The following KCNMB2 variants were observed in gnomAD, a reference collection of about 807,000 sequenced individuals.
The protein encoded by KCNMB2 is calcium-activated potassium channel subunit beta-2.
Under a neutral mutation model 24.5 loss-of-function variants are expected in KCNMB2, and 9 were observed. The observed-to-expected ratio is 0.37, with a 90% CI of 0.22 to 0.64. The LOEUF (loss-of-function observed/expected upper bound fraction) is 0.64. Ranked by LOEUF, KCNMB2 falls within the 30% of genes least tolerant of loss-of-function variation. KCNMB2 has a pLI of 0.63. For synonymous variants in KCNMB2, 109 were observed against 104.4 expected, an observed-to-expected ratio of 1.04 and a Z score of -0.27; for missense variants, 226 against 284.3, an observed-to-expected ratio of 0.79 and a Z score of 1.47.
chr3:178,640,466 G>A (rs1719683862), intron 1 of KCNMB2, among the ~76,000 whole-genome samples: 1 of 152,170 alleles, frequency 6.6e-6, no homozygotes, highest in South Asian at 2.1e-4. Context: ...GGGGAAATCC[G>A]CCCCCATGAT....
chr3:178,777,391 G>A (rs1038022716), intron 1 of KCNMB2, among the ~76,000 whole-genome samples: 12 of 152,096 alleles, frequency 7.9e-5, no homozygotes, highest in African/African-American at 1.2e-4. Context: ...CTGAGATCAC[G>A]CCACTGCACT....
chr3:178,575,068 T>C (rs1298942174), intron 1 of KCNMB2, among the ~76,000 whole-genome samples: 1 of 152,130 alleles, frequency 6.6e-6, no homozygotes, highest in Admixed American at 6.6e-5. Flanking sequence ...ACTCTGTCTA[T>C]AAATAAATAA....
intron 1 of KCNMB2, among the ~76,000 whole-genome samples, chr3:178,673,904 T>C (rs1720985674): frequency 6.6e-6 from 1 of 152,218 alleles, no homozygotes; most frequent in Admixed American, 6.5e-5. Flanking sequence ...TAAATTCATT[T>C]CAATTAGACT....
At chr3:178,637,437 T>A (rs1719568586) in intron 1 of KCNMB2, among the ~76,000 whole-genome samples, 1 of 152,220 alleles carries the variant, frequency 6.6e-6, no homozygotes, top group Non-Finnish European at 1.5e-5. Context: ...TGGGAAGAAC[T>A]GTCTTATGAC....
At chr3:178,798,599 T>C (rs1472986800) in intron 1 of KCNMB2, among the ~76,000 whole-genome samples, 2 of 152,236 alleles carry the variant, frequency 1.3e-5, no homozygotes, top group Non-Finnish European at 2.9e-5. Context: ...CTGGATGCCA[T>C]TATCCTGAGC....
rs569468630 is a variant in KCNMB2 at position 178,743,641 on chromosome 3, C to T, written c.-67-63702C>T. On this transcript the variant is annotated intron_variant, in intron 1 of 4. Coordinates refer to ENST00000452583, the MANE Select transcript of KCNMB2 (RefSeq NM_181361.3). ...CTGCGTCGTGTTGATCACAAAGTTC[C>T]TCTGACAGTAGAGTGTTCTGATAGC... 1.6e-4 allele frequency among the ~76,000 whole-genome samples: 24 copies of T among 152,060 alleles called. No individual in the cohort carries two copies. In the South Asian group the frequency reaches 4.2e-3, roughly 26 times the overall value.
Position 178,617,482 on chromosome 3 carries a change from C to G in KCNMB2, c.-68+80771C>G, listed in dbSNP as rs1429368631. Among the ~76,000 whole-genome samples, 3 of 151,420 alleles carry G rather than the reference C, an allele frequency of 2.0e-5. No individual in the cohort carries two copies. The East Asian group carries it at 5.8e-4, about 29-fold the overall frequency. ...CTGAGGCAGGAGAATCGCTTGAACC[C>G]GGGAGGTGGAGGTTGCAGATTGGGC... On this transcript the variant is annotated intron_variant, in intron 1 of 4. Transcript: ENST00000452583.
chr3:178,703,309 T>C, intron 1 of KCNMB2, among the ~76,000 whole-genome samples: 1 of 152,152 alleles, frequency 6.6e-6, no homozygotes, highest in Non-Finnish European at 1.5e-5. Context: ...TGGAATGTTT[T>C]TGGAGTTGGG....
chr3:178,655,934 T>C (rs1001837526), intron 1 of KCNMB2, among the ~76,000 whole-genome samples: 7 of 152,216 alleles, frequency 4.6e-5, no homozygotes, highest in Admixed American at 4.6e-4. Flanking sequence ...AGCCTTCTTT[T>C]ACCGGGGATG....
chr3:178,705,963 C>T (rs1722264673), intron 1 of KCNMB2, among the ~76,000 whole-genome samples: 1 of 152,080 alleles, frequency 6.6e-6, no homozygotes, highest in South Asian at 2.1e-4. Flanking sequence ...CATACTTTGG[C>T]CTTCATTCTA....
At chr3:178,567,925 A>G (rs567189076) in intron 1 of KCNMB2, among the ~76,000 whole-genome samples, 1 of 152,268 alleles carries the variant, frequency 6.6e-6, no homozygotes, top group African/African-American at 2.4e-5. Flanking sequence ...CTCACAGTAC[A>G]CTAGGTCTAA....
chr3:178,589,723 T>C (rs6809829), intron 1 of KCNMB2, among the ~76,000 whole-genome samples: 17,390 of 152,178 alleles, frequency 0.11, 1,151 homozygotes, highest in Middle Eastern at 0.24. Context: ...AATAGATTTA[T>C]TTCAGCCTGA....
At chr3:178,648,651 C>T (rs529364459) in intron 1 of KCNMB2, among the ~76,000 whole-genome samples, 2 of 152,312 alleles carry the variant, frequency 1.3e-5, no homozygotes, top group African/African-American at 4.8e-5. Context: ...AACTTGTATT[C>T]CATGGAATGC....
At chr3:178,801,470 C>A (rs941069405) in intron 1 of KCNMB2, among the ~76,000 whole-genome samples, 1 of 151,658 alleles carries the variant, frequency 6.6e-6, no homozygotes, top group African/African-American at 2.4e-5. Context: ...CAGGGCTATT[C>A]ATTCAATCTT....
At chr3:178,772,094 C>T (rs760876227) in intron 1 of KCNMB2, among the ~76,000 whole-genome samples, 9 of 152,130 alleles carry the variant, frequency 5.9e-5, no homozygotes, top group Middle Eastern at 3.2e-3. Context: ...GATTAACTAA[C>T]GATCCCCTCC....
At chr3:178,625,178 C>A (rs977176134) in intron 1 of KCNMB2, among the ~76,000 whole-genome samples, 17 of 152,102 alleles carry the variant, frequency 1.1e-4, no homozygotes. Context: ...CAGGGGGCAC[C>A]TCTTGGGGTC....
intron 1 of KCNMB2, among the ~76,000 whole-genome samples, chr3:178,606,968 G>A (rs761767062): frequency 2.0e-5 from 3 of 152,192 alleles, no homozygotes; most frequent in Non-Finnish European, 2.9e-5. Flanking sequence ...ACTAGACATT[G>A]AATCTGCCAG....
At chr3:178,746,046 G>A (rs1215435243) in intron 1 of KCNMB2, among the ~76,000 whole-genome samples, 2 of 152,144 alleles carry the variant, frequency 1.3e-5, no homozygotes, top group East Asian at 3.9e-4. Context: ...TTTTCTCACA[G>A]CTCCACTAGG....
chr3:178,754,197 T>C (rs1445506638), intron 1 of KCNMB2, among the ~76,000 whole-genome samples: 1 of 141,228 alleles, frequency 7.1e-6, no homozygotes, highest in South Asian at 2.2e-4. Context: ...CACACATACA[T>C]ATATATATAT....
Sources: allele counts gnomAD v4.1 joint callset (sites outside exome capture counted in the v4.1 genomes callset), GRCh38; gene constraint gnomAD v4.1.1; transcripts MANE v1.5; gene names NCBI Gene and HGNC (gene_info 2026-07-23, HGNC 2026-07-21).